STK32B: variants seen among roughly 807,000 people sequenced by gnomAD.
The protein encoded by STK32B is serine/threonine-protein kinase 32B.
A neutral mutation model predicts 52.6 loss-of-function variants in STK32B; 43 were observed. The observed-to-expected ratio is 0.82, with a 90% confidence interval of 0.64 to 1.05. STK32B has a LOEUF of 1.05. Ranked by LOEUF, STK32B falls within the 50% of genes least tolerant of loss-of-function variation. The probability of loss-of-function intolerance (pLI) is 0.00; values close to 1 mark genes in which losing one functional copy is unlikely to be tolerated. For synonymous variants in STK32B, 238 were observed against 204.3 expected, an observed-to-expected ratio of 1.17 and a Z score of -1.41; for missense variants, 621 against 534.6, an observed-to-expected ratio of 1.16 and a Z score of -1.59.
chr4:5,209,551 A>G (rs1166371087), intron 3 of STK32B, among the ~76,000 whole-genome samples: 1 of 152,206 alleles, frequency 6.6e-6, no homozygotes, highest in Non-Finnish European at 1.5e-5. Flanking sequence ...TGAATGGGGC[A>G]ACCAGTGGTC....
chr4:5,126,582 TAAA>T (rs560040798), intron 1 of STK32B, among the ~76,000 whole-genome samples: 534 of 152,354 alleles, frequency 3.5e-3, no homozygotes, highest in Middle Eastern at 0.014. Flanking sequence ...GTTGTAGAAA[TAAA>T]AAGATATTTT....
intron 1 of STK32B, among the ~76,000 whole-genome samples, chr4:5,064,700 A>G (rs1483751562): frequency 2.6e-5 from 1 of 38,100 alleles, no homozygotes; most frequent in African/African-American, 9.7e-5. Flanking sequence ...ATATATAAAT[A>G]TATACTTATA....
At chr4:5,240,065 T>C (rs1402315548) in intron 3 of STK32B, among the ~76,000 whole-genome samples, 1 of 151,646 alleles carries the variant, frequency 6.6e-6, no homozygotes. Flanking sequence ...TCTCTCTCTC[T>C]CTCTCTCTGT....
chr4:5,128,632 C>T (rs1261347728), intron 1 of STK32B, among the ~76,000 whole-genome samples: 1 of 152,326 alleles, frequency 6.6e-6, no homozygotes, highest in Non-Finnish European at 1.5e-5. Context: ...GGTTGCAGCT[C>T]AGCTTAGCAA....
chr4:5,153,593 AT>A (rs1458630353), intron 2 of STK32B, among the ~76,000 whole-genome samples: 4 of 152,114 alleles, frequency 2.6e-5, no homozygotes, highest in Admixed American at 2.6e-4. Flanking sequence ...ATACAAAAAC[AT>A]TTTATATAAT....
intron 1 of STK32B, among the ~76,000 whole-genome samples, chr4:5,100,338 TC>T: frequency 1.4e-5 from 1 of 73,130 alleles, no homozygotes; most frequent in South Asian, 5.6e-4. Flanking sequence ...CCTCCCTCCC[TC>T]CCTTCCTTCC....
chr4:5,182,118 G>C (rs988410049), intron 3 of STK32B, among the ~76,000 whole-genome samples: 8 of 152,154 alleles, frequency 5.3e-5, no homozygotes, highest in African/African-American at 1.9e-4. Flanking sequence ...TCATTCATAA[G>C]AATCAACTCC....
intron 3 of STK32B, among the ~76,000 whole-genome samples, chr4:5,309,212 C>G (rs1730127564): frequency 6.6e-6 from 1 of 151,788 alleles, no homozygotes. Flanking sequence ...ACAAGGAAAA[C>G]TATAAAACAG....
intron 3 of STK32B, among the ~76,000 whole-genome samples, chr4:5,220,497 T>C (rs1577208004): frequency 6.6e-6 from 1 of 152,140 alleles, no homozygotes; most frequent in South Asian, 2.1e-4. Context: ...TAATGACAGG[T>C]GTCCAGGTTA....
intron 11 of STK32B, among the ~76,000 whole-genome samples, chr4:5,495,593 C>A (rs138629620): frequency 0.054 from 8,206 of 152,274 alleles, 738 homozygotes; most frequent in African/African-American, 0.18. Context: ...GTCATTCTCC[C>A]TCCAGCTTTG....
At chr4:5,478,359 C>T (rs1368836967) in intron 11 of STK32B, among the ~76,000 whole-genome samples, 1 of 152,094 alleles carries the variant, frequency 6.6e-6, no homozygotes, top group Non-Finnish European at 1.5e-5. Context: ...GAATCCCTTG[C>T]GTTTTGCATT....
At chr4:5,320,325 C>T (rs887904971) in intron 3 of STK32B, among the ~76,000 whole-genome samples, 2 of 152,154 alleles carry the variant, frequency 1.3e-5, no homozygotes, top group Admixed American at 6.5e-5. Context: ...CTGCACTTAA[C>T]ATTTTCTTGG....
At chr4:5,271,094 T>C (rs1351250885) in intron 3 of STK32B, among the ~76,000 whole-genome samples, 1 of 152,048 alleles carries the variant, frequency 6.6e-6, no homozygotes, top group East Asian at 1.9e-4. Context: ...CATGCCACCA[T>C]GCCCGGCTAA....
intron 3 of STK32B, among the ~76,000 whole-genome samples, chr4:5,257,812 A>G (rs1210279773): frequency 1.6e-4 from 24 of 152,214 alleles, no homozygotes; most frequent in Admixed American, 1.6e-3. Context: ...GTGTGGCGGC[A>G]TGGGCCTGTA....
At chr4:5,108,542 C>T (rs1028804330) in intron 1 of STK32B, among the ~76,000 whole-genome samples, 7 of 152,094 alleles carry the variant, frequency 4.6e-5, no homozygotes, top group African/African-American at 1.2e-4. Context: ...TTAATTTTGT[C>T]GTTTTTAATA....
intron 1 of STK32B, among the ~76,000 whole-genome samples, chr4:5,078,397 G>T (rs2108773112): frequency 6.6e-6 from 1 of 152,202 alleles, no homozygotes; most frequent in Non-Finnish European, 1.5e-5. Flanking sequence ...AACAAACAAA[G>T]ACTGAAACAA....
At chr4:5,475,896 G>GT (rs1439201803) in intron 11 of STK32B, among the ~76,000 whole-genome samples, 6 of 151,522 alleles carry the variant, frequency 4.0e-5, no homozygotes, top group Non-Finnish European at 2.9e-5. Context: ...CTTTTTGTTT[G>GT]TTTTTTTAAA....
At chr4:5,317,130 T>C (rs1485813538) in intron 3 of STK32B, among the ~76,000 whole-genome samples, 1 of 60,608 alleles carries the variant, frequency 1.6e-5, no homozygotes, top group Non-Finnish European at 2.4e-5. Flanking sequence ...TACATTATAA[T>C]ATATAATATA....
Position 5,093,470 on chromosome 4 carries a change from C to G in STK32B, c.52+41555C>G, listed in dbSNP as rs143331379. Among the ~76,000 whole-genome samples, 359 of 152,146 alleles carry G rather than the reference C, an allele frequency of 2.4e-3. 1 individual carries two copies. The highest frequency in any genetic ancestry group is 8.2e-3 in the African/African-American group (342 of 41,492). On this transcript the variant is annotated intron_variant, in intron 1 of 11. Transcript: ENST00000282908. Reference sequence around the variant, plus strand: ...CAGCAACTATCGCAAGGACAAAAAACCAAACACCGCATGTTCTCACTCATA... The same window carrying G: ...CAGCAACTATCGCAAGGACAAAAAAGCAAACACCGCATGTTCTCACTCATA...
Sources: allele counts gnomAD v4.1 joint callset (sites outside exome capture counted in the v4.1 genomes callset), GRCh38; gene constraint gnomAD v4.1.1; transcripts MANE v1.5; gene names NCBI Gene and HGNC (gene_info 2026-07-23, HGNC 2026-07-21).